PIAS1: variants seen among roughly 807,000 people sequenced by gnomAD.
PIAS1 encodes E3 SUMO-protein ligase PIAS1.
In PIAS1, 6 loss-of-function variants were observed where a neutral mutation model predicts 71.3. That is an observed-to-expected ratio of 0.08 (90% CI 0.05 to 0.17). The LOEUF (loss-of-function observed/expected upper bound fraction) is 0.17, where lower values mean the gene tolerates loss of function less well. PIAS1 is among the 10% of genes least tolerant of loss of function. The pLI is 1.00. For synonymous variants in PIAS1, 303 were observed against 292.9 expected (o/e 1.03, Z -0.35); for missense variants, 555 against 793.6 (o/e 0.70, Z 3.61).
chr15:68,087,177 A>G (rs2092290740), intron 2 of PIAS1, among the ~76,000 whole-genome samples: 1 of 152,150 alleles, frequency 6.6e-6, no homozygotes, highest in Non-Finnish European at 1.5e-5. Flanking sequence ...ATGATCATAA[A>G]AGGAGACTTG....
At chr15:68,168,239 C>A (rs1318036420) in intron 8 of PIAS1, among the ~76,000 whole-genome samples, 1 of 152,046 alleles carries the variant, frequency 6.6e-6, no homozygotes, top group African/African-American at 2.4e-5. Flanking sequence ...GAACTCCTGA[C>A]CTCAAGTGAT....
chr15:68,092,275 C>G (rs1193388092), intron 2 of PIAS1, among the ~76,000 whole-genome samples: 1 of 151,972 alleles, frequency 6.6e-6, no homozygotes, highest in African/African-American at 2.4e-5. Flanking sequence ...CTGGCTCAAG[C>G]GATCCTCCCA....
intron 2 of PIAS1, among the ~76,000 whole-genome samples, chr15:68,088,674 G>A (rs2092308053): frequency 1.3e-5 from 2 of 152,024 alleles, no homozygotes. Flanking sequence ...TTGTTGAAGG[G>A]CAATGCTTAT....
At chr15:68,087,232 TG>T (rs2092291436) in intron 2 of PIAS1, among the ~76,000 whole-genome samples, 1 of 152,092 alleles carries the variant, frequency 6.6e-6, no homozygotes, top group Non-Finnish European at 1.5e-5. Flanking sequence ...TTTTTTCAAG[TG>T]GAGAAGTGCA....
intron 7 of PIAS1, among the ~76,000 whole-genome samples, chr15:68,161,549 C>T (rs1259322026): frequency 6.6e-6 from 1 of 151,490 alleles, no homozygotes; most frequent in Non-Finnish European, 1.5e-5. Context: ...AAAATTCTCC[C>T]ACCTCTGAGA....
At chr15:68,060,270 GGATTACAGGTGT>G (rs2140952699) in intron 1 of PIAS1, among the ~76,000 whole-genome samples, 1 of 151,918 alleles carries the variant, frequency 6.6e-6, no homozygotes, top group African/African-American at 2.4e-5. Flanking sequence ...TGTTTTGCTG[GGATTACAGGTGT>G]GAGCCACCAC....
chr15:68,104,818 A>T (rs555677100), intron 2 of PIAS1, among the ~76,000 whole-genome samples: 121 of 152,340 alleles, frequency 7.9e-4, no homozygotes, highest in Admixed American at 2.1e-3. Context: ...TACAGCAATT[A>T]TGTAACAAAG....
chr15:68,061,633 C>T (rs2091960002), intron 1 of PIAS1, among the ~76,000 whole-genome samples: 1 of 152,130 alleles, frequency 6.6e-6, no homozygotes, highest in Admixed American at 6.5e-5. Context: ...TTTTTGAAAA[C>T]TTAATCTCTT....
intron 2 of PIAS1, among the ~76,000 whole-genome samples, chr15:68,103,499 A>T (rs1320735119): frequency 6.6e-6 from 1 of 152,124 alleles, no homozygotes; most frequent in Non-Finnish European, 1.5e-5. Flanking sequence ...TTTAAAGTGT[A>T]CAATTCATTG....
At chr15:68,132,249 C>T (rs1403692375) in intron 2 of PIAS1, among the ~76,000 whole-genome samples, 3 of 152,000 alleles carry the variant, frequency 2.0e-5, no homozygotes, top group South Asian at 2.1e-4. Flanking sequence ...GAGGCTGAGG[C>T]GGGCGGATCA....
At chr15:68,144,861 G>T (rs1283730328) in intron 4 of PIAS1, among the ~76,000 whole-genome samples, 2 of 151,936 alleles carry the variant, frequency 1.3e-5, no homozygotes, top group Non-Finnish European at 2.9e-5. Flanking sequence ...GTTTTATATT[G>T]TGCACGATCC....
At position 68,191,059 on chromosome 15, in the gene PIAS1, T is replaced by G. The variant is rs1199733627; in HGVS notation, c.*3224T>G. 6.6e-6 allele frequency: 1 copy of G among 152,498 alleles called. No individual in the cohort carries two copies. Among genetic ancestry groups the G allele is most frequent in the African/African-American group, 2.4e-5 (1 of 41,372 alleles). 9.4% of individuals were successfully genotyped at this position (152,498 alleles called of 1,614,324 possible). ...ACTTTTTAAAGCACATTTGAAATTA[T>G]TTTAGTAAGAATTTTGTTTTATCAA... On this transcript the variant is annotated 3_prime_UTR_variant, in exon 14 of 14. Transcript: ENST00000249636.
rs187628059 is a variant in PIAS1 at position 68,148,257 on chromosome 15, C to T, written c.828+1557C>T. ...AGGTGAAAGGTTCAGAGGAAACTAC[C>T]CACACAACAGCCCAGTGGTAGGAGT... On this transcript the variant is annotated intron_variant, in intron 6 of 13. Transcript: ENST00000249636. Among the ~76,000 whole-genome samples the T allele has an allele frequency of 8.5e-5, 13 of 152,112 alleles. No individual in the cohort carries two copies. In the East Asian group the frequency reaches 2.5e-3, roughly 29 times the overall value.
intron 1 of PIAS1, among the ~76,000 whole-genome samples, chr15:68,078,031 GA>G (rs2092189020): frequency 6.6e-6 from 1 of 152,154 alleles, no homozygotes; most frequent in Non-Finnish European, 1.5e-5. Flanking sequence ...TGTCTTATCT[GA>G]AACTTAGATC....
At chr15:68,075,370 GCCA>G (rs2092151329) in intron 1 of PIAS1, among the ~76,000 whole-genome samples, 1 of 152,028 alleles carries the variant, frequency 6.6e-6, no homozygotes, top group South Asian at 2.1e-4. Context: ...ACAGGCGTGA[GCCA>G]CTGTGCCCAG....
At chr15:68,166,395 G>C (rs1333099507) in intron 8 of PIAS1, among the ~76,000 whole-genome samples, 4 of 151,266 alleles carry the variant, frequency 2.6e-5, no homozygotes, top group African/African-American at 9.7e-5. Context: ...TCACAGACTG[G>C]GGAAGTAGAG....
At chr15:68,115,142 A>G (rs1185239517) in intron 2 of PIAS1, among the ~76,000 whole-genome samples, 1 of 152,160 alleles carries the variant, frequency 6.6e-6, no homozygotes, top group Non-Finnish European at 1.5e-5. Flanking sequence ...AATGAAGGAC[A>G]TCTTGGTTGC....
At chr15:68,176,876 A>T (rs2093023124) in intron 11 of PIAS1, among the ~76,000 whole-genome samples, 1 of 152,214 alleles carries the variant, frequency 6.6e-6, no homozygotes, top group African/African-American at 2.4e-5. Context: ...AGATCATTCT[A>T]GTACCGTGGT....
chr15:68,185,814 T>C lies in PIAS1; in HGVS notation c.1663-1728T>C, dbSNP rs1429079422. 5.9e-5 allele frequency among the ~76,000 whole-genome samples: 9 copies of C among 151,920 alleles called. No individual in the cohort carries two copies. In the South Asian group the frequency reaches 1.5e-3, roughly 25 times the overall value. On this transcript the variant is annotated intron_variant, in intron 13 of 13. Transcript: ENST00000249636. This position sits in a 1 kb window ranked among gnomAD's most constrained non-coding sequence, Gnocchi z 4.4. ...CCGTCTCTACTAAAAATACAAAAAT[T>C]AGCTGGGCGTGGTGCTACACGCCTG...
Sources: allele counts gnomAD v4.1 joint callset (sites outside exome capture counted in the v4.1 genomes callset), GRCh38; gene constraint gnomAD v4.1.1; non-coding constraint Gnocchi (gnomAD v3.1); transcripts MANE v1.5; gene names NCBI Gene and HGNC (gene_info 2026-07-23, HGNC 2026-07-21).